Variants in TEX264 observed in about 807,000 individuals in gnomAD.
The protein encoded by TEX264 is testis-expressed protein 264.
TEX264 carries 13 observed loss-of-function variants against 23.4 expected under a neutral mutation model. The observed-to-expected ratio is 0.56, with a 90% CI of 0.36 to 0.88. The LOEUF is 0.88. TEX264 is among the 40% of genes least tolerant of loss of function. TEX264 has a pLI of 0.01. For missense variants in TEX264, 340 were observed against 406.8 expected (o/e 0.84, Z 1.41); for synonymous variants, 159 against 170.0 (o/e 0.94, Z 0.50).
intron 3 of TEX264, among the ~76,000 whole-genome samples, chr3:51,693,437 C>T (rs1045288506): frequency 3.3e-5 from 5 of 151,930 alleles, no homozygotes; most frequent in African/African-American, 1.2e-4. Context: ...CTGGGCTCGA[C>T]CTAACCCCAA....
In TEX264 at chr3:51,701,633, T is replaced by G. The variant is rs149440402; in HGVS notation, c.649+2059T>G. ...CACCATGCCCAGCTGGATTCCTTTT[T>G]TTTGTTTGTTTGTTTTTAAAGACAG... On this transcript the variant is annotated intron_variant, in intron 4 of 4. Coordinates refer to ENST00000341333, the MANE Select transcript of TEX264 (RefSeq NM_015926.6). Among the ~76,000 whole-genome samples the G allele has an allele frequency of 4.5e-3, 683 of 151,956 alleles. 7 individuals are homozygous for G. The highest frequency in any genetic ancestry group is 0.016 in the African/African-American group (642 of 41,410).
chr3:51,699,285 T>C, intron 3 of TEX264, 121 bp from the exon 4 acceptor site: 1 of 1,034,058 alleles, frequency 9.7e-7, no homozygotes, highest in Non-Finnish European at 1.4e-6. Flanking sequence ...TTGGAAGAGG[T>C]TGAGAGGCAG....
At chr3:51,700,819 C>T (rs963638965) in intron 4 of TEX264, among the ~76,000 whole-genome samples, 1 of 152,060 alleles carries the variant, frequency 6.6e-6, no homozygotes, top group Non-Finnish European at 1.5e-5. Flanking sequence ...CCCTCCAGCC[C>T]GCCCACCCAC....
At chr3:51,701,536 G>A (rs1233483483) in intron 4 of TEX264, among the ~76,000 whole-genome samples, 3 of 152,084 alleles carry the variant, frequency 2.0e-5, no homozygotes, top group Non-Finnish European at 4.4e-5. Context: ...TATTGCCCAG[G>A]CTGGCCTTGA....
In TEX264 at chr3:51,703,715, T is replaced by C; in HGVS notation, c.650-9T>C. The C allele has an allele frequency of 1.3e-6, 2 of 1,571,576 alleles. No individual in the cohort carries two copies. The highest frequency in any genetic ancestry group is 1.7e-6 in the Non-Finnish European group (2 of 1,151,960). ...CTAGCTAACCTGTGCTCCCTTTTCC[T>C]GGTCATAGGAGCTGACACAATGAGT... On this transcript the variant is annotated splice_polypyrimidine_tract_variant and intron_variant, in intron 4 of 4. Transcript: ENST00000341333. This position sits in a 1 kb window ranked among gnomAD's most constrained non-coding sequence, Gnocchi z 4.8.
At chr3:51,701,361 G>A (rs1408633201) in intron 4 of TEX264, among the ~76,000 whole-genome samples, 6 of 150,202 alleles carry the variant, frequency 4.0e-5, no homozygotes, top group South Asian at 2.1e-4. Context: ...TGGCTCTATC[G>A]CCCAGGCTGG....
At chr3:51,690,003 G>A (rs1454815023) in intron 3 of TEX264, among the ~76,000 whole-genome samples, 1 of 152,224 alleles carries the variant, frequency 6.6e-6, no homozygotes, top group East Asian at 1.9e-4. Flanking sequence ...TTGGAACTAA[G>A]GCCTGTGGGC....
intron 3 of TEX264, among the ~76,000 whole-genome samples, chr3:51,689,042 C>G (rs1440961408): frequency 6.6e-6 from 1 of 151,860 alleles, no homozygotes; most frequent in Non-Finnish European, 1.5e-5. Flanking sequence ...TCGCTTGAGC[C>G]TGGGAGGTCA....
At position 51,704,097 on chromosome 3, in the gene TEX264, CT is replaced by C; in HGVS notation, c.*83del. The C allele has an allele frequency of 7.9e-7, 1 of 1,260,868 alleles. No homozygotes were observed. The highest frequency in any genetic ancestry group is 2.8e-5 in the South Asian group (1 of 35,198). 78.1% of individuals were successfully genotyped at this position (1,260,868 alleles called of 1,614,324 possible). ...AGCAGACTCTCCAGCCCTCTTCCTC[CT>C]TCCTCTGGGGGAGGAGGGGTTCCTG... On this transcript the variant is annotated 3_prime_UTR_variant, in exon 5 of 5. Transcript: ENST00000341333.
At chr3:51,681,149 A>G (rs1484655178) in intron 2 of TEX264, among the ~76,000 whole-genome samples, 1 of 152,196 alleles carries the variant, frequency 6.6e-6, no homozygotes, top group East Asian at 1.9e-4. Flanking sequence ...TAGCCAGGAA[A>G]GGAGCTGCTG....
chr3:51,684,418 CCCTGATAAGTGCCG>C lies in TEX264; in HGVS notation c.265_278del (p.Pro89MetfsTer9), dbSNP rs761774126. The stretch of plus-strand genomic sequence containing the variant: ...CCCATGCTTTGCTTCCCCAGGTGCC[CCCTGATAAGTGCCG>C]ATGTGCCGTGGGCAGCATCCTGAGT... On this transcript the variant is annotated frameshift_variant, in exon 3 of 5. Transcript: ENST00000341333. LOFTEE classifies it high-confidence loss of function. 1 of 1,613,990 alleles carries C rather than the reference CCCTGATAAGTGCCG, an allele frequency of 6.2e-7. No individual in the cohort carries two copies.
intron 3 of TEX264, among the ~76,000 whole-genome samples, chr3:51,693,458 A>T (rs1702901974): frequency 1.4e-5 from 2 of 141,386 alleles, no homozygotes; most frequent in Admixed American, 7.2e-5. Context: ...GAGGGCCATT[A>T]TATCTCGTTT....
At chr3:51,678,897 A>ATGTG (rs1702324070) in intron 2 of TEX264, among the ~76,000 whole-genome samples, 1 of 152,196 alleles carries the variant, frequency 6.6e-6, no homozygotes. Context: ...TCCTCAACAA[A>ATGTG]GGCAATGGGA....
At chr3:51,696,190 C>T (rs759863767) in intron 3 of TEX264, among the ~76,000 whole-genome samples, 4 of 152,096 alleles carry the variant, frequency 2.6e-5, no homozygotes, top group African/African-American at 7.2e-5. Flanking sequence ...TGGCAGAGCA[C>T]GTTCTCATGT....
At chr3:51,695,232 A>T (rs1456856187) in intron 3 of TEX264, among the ~76,000 whole-genome samples, 1 of 152,208 alleles carries the variant, frequency 6.6e-6, no homozygotes, top group East Asian at 1.9e-4. Flanking sequence ...CAGGGTGAAC[A>T]GTAAGGCAAG....
At position 51,686,545 on chromosome 3, in the gene TEX264, G is replaced by A. The variant is rs1203874895; in HGVS notation, c.480+1911G>A. ...CAGGAGTGAGAAGACCTGGAAAGGG[G>A]AGGGCTGTCACGGTGATAAGGCAAG... On this transcript the variant is annotated intron_variant, in intron 3 of 4. Transcript: ENST00000341333. This position sits in a 1 kb window ranked among gnomAD's most constrained non-coding sequence, Gnocchi z 4.1. 2.6e-5 allele frequency among the ~76,000 whole-genome samples: 4 copies of A among 152,156 alleles called. No homozygotes were observed. The highest frequency in any genetic ancestry group is 2.6e-4 in the Admixed American group (4 of 15,272).
At chr3:51,694,081 GTCCGTCCTTCCTTCCTTCCTTCCTTCCT>G (rs1702954067) in intron 3 of TEX264, among the ~76,000 whole-genome samples, 1 of 56,722 alleles carries the variant, frequency 1.8e-5, no homozygotes, top group African/African-American at 7.6e-5. Context: ...CCTTCCTTCC[GTCCGTCCTTCCTTCCTTCCTTCCTTCCT>G]TCCTTCCTTC....
intron 4 of TEX264, among the ~76,000 whole-genome samples, chr3:51,699,822 C>G (rs1703219828): frequency 6.6e-6 from 1 of 152,126 alleles, no homozygotes; most frequent in African/African-American, 2.4e-5. Flanking sequence ...ATACAAAGAC[C>G]CTGCCTGGAT....
chr3:51,700,996 C>T (rs1703278802), intron 4 of TEX264, among the ~76,000 whole-genome samples: 1 of 152,262 alleles, frequency 6.6e-6, no homozygotes, highest in Non-Finnish European at 1.5e-5. Flanking sequence ...CCCTGCCCGC[C>T]TCCCTGCTGT....
Sources: allele counts gnomAD v4.1 joint callset (sites outside exome capture counted in the v4.1 genomes callset), GRCh38; gene constraint gnomAD v4.1.1; non-coding constraint Gnocchi (gnomAD v3.1); transcripts MANE v1.5; gene names NCBI Gene and HGNC (gene_info 2026-07-23, HGNC 2026-07-21).